ARPP21: variants seen among roughly 807,000 people sequenced by gnomAD.
The protein encoded by ARPP21 is cAMP-regulated phosphoprotein 21.
A neutral mutation model predicts 113.2 loss-of-function variants in ARPP21; 69 were observed. The observed-to-expected ratio is 0.61, with a 90% CI of 0.50 to 0.74. ARPP21 has a LOEUF of 0.74. Among genes scored for constraint, ARPP21 ranks in the 30% least tolerant of loss-of-function variants. The probability of loss-of-function intolerance (pLI) is 0.00; values close to 1 mark genes in which losing one functional copy is unlikely to be tolerated. For synonymous variants in ARPP21, 368 were observed against 375.5 expected (o/e 0.98, Z 0.23); for missense variants, 1,070 against 1,037.4 (o/e 1.03, Z -0.43).
At chr3:35,674,142 A>G (rs1481461069) in intron 1 of ARPP21, among the ~76,000 whole-genome samples, 2 of 151,972 alleles carry the variant, frequency 1.3e-5, no homozygotes, top group Non-Finnish European at 2.9e-5. Flanking sequence ...TTCCAGTACC[A>G]GTTAGATTAA....
At chr3:35,773,962 A>T (rs887129067) in intron 19 of ARPP21, among the ~76,000 whole-genome samples, 1 of 152,170 alleles carries the variant, frequency 6.6e-6, no homozygotes, top group Admixed American at 6.5e-5. Context: ...TTTTAATCAG[A>T]CACATTTGTA....
At chr3:35,768,801 C>T (rs2096080971) in intron 19 of ARPP21, among the ~76,000 whole-genome samples, 2 of 152,170 alleles carry the variant, frequency 1.3e-5, no homozygotes, top group African/African-American at 4.8e-5. Flanking sequence ...TCATTAACTG[C>T]TTGCTATTTA....
chr3:35,769,281 G>A (rs866422177), intron 19 of ARPP21, among the ~76,000 whole-genome samples: 7 of 152,172 alleles, frequency 4.6e-5, no homozygotes, highest in African/African-American at 1.7e-4. Flanking sequence ...CAACCATAGG[G>A]TATCATAATA....
intron 13 of ARPP21, among the ~76,000 whole-genome samples, chr3:35,719,413 G>A (rs1389546848): frequency 3.3e-5 from 5 of 152,182 alleles, no homozygotes; most frequent in African/African-American, 9.7e-5. Flanking sequence ...TAGTGAGGTA[G>A]AGGTAGAGAA....
chr3:35,783,417 G>C (rs956522548), intron 19 of ARPP21, among the ~76,000 whole-genome samples: 2 of 151,588 alleles, frequency 1.3e-5, no homozygotes, highest in East Asian at 3.9e-4. Context: ...ATTTATTCTT[G>C]TGTTTTTTTT....
chr3:35,780,662 T>A (rs2096502797), intron 19 of ARPP21, among the ~76,000 whole-genome samples: 1 of 152,084 alleles, frequency 6.6e-6, no homozygotes, highest in African/African-American at 2.4e-5. Flanking sequence ...TCTCGAAGTG[T>A]GGTACCCAGA....
intron 1 of ARPP21, among the ~76,000 whole-genome samples, chr3:35,671,496 T>C (rs971938412): frequency 6.6e-6 from 1 of 152,128 alleles, no homozygotes; most frequent in Non-Finnish European, 1.5e-5. Flanking sequence ...TCAGTGGTGT[T>C]AATATGTAAT....
chr3:35,690,611 T>C (rs903011819), intron 8 of ARPP21, among the ~76,000 whole-genome samples: 8 of 151,546 alleles, frequency 5.3e-5, no homozygotes, highest in East Asian at 3.9e-4. Context: ...TACAATACTG[T>C]CCAACAGACA....
intron 12 of ARPP21, among the ~76,000 whole-genome samples, chr3:35,716,332 T>A (rs2092389343): frequency 6.6e-6 from 1 of 152,076 alleles, no homozygotes. Context: ...TGTATTCCTA[T>A]ACCATTGATT....
chr3:35,792,938 TG>T (rs1366454087), intron 20 of ARPP21, among the ~76,000 whole-genome samples: 1 of 152,238 alleles, frequency 6.6e-6, no homozygotes. Flanking sequence ...GATTTTAATA[TG>T]GCATCTCAGA....
chr3:35,778,398 G>A (rs993666659), intron 19 of ARPP21, among the ~76,000 whole-genome samples: 1 of 152,130 alleles, frequency 6.6e-6, no homozygotes, highest in Non-Finnish European at 1.5e-5. Context: ...GGGAGAGAGA[G>A]CAGGCAGAGG....
At chr3:35,755,392 C>G (rs2095537198) in intron 19 of ARPP21, among the ~76,000 whole-genome samples, 1 of 152,030 alleles carries the variant, frequency 6.6e-6, no homozygotes, top group Admixed American at 6.6e-5. Context: ...TTCCCTGCAA[C>G]TCTCTTTATA....
At chr3:35,750,086 T>G (rs2095344977) in intron 19 of ARPP21, among the ~76,000 whole-genome samples, 1 of 151,414 alleles carries the variant, frequency 6.6e-6, no homozygotes, top group Non-Finnish European at 1.5e-5. Context: ...TATTATTTTC[T>G]TCCTTCTGTT....
intron 9 of ARPP21, among the ~76,000 whole-genome samples, chr3:35,706,236 G>A (rs1036288270): frequency 6.6e-6 from 1 of 152,168 alleles, no homozygotes; most frequent in East Asian, 1.9e-4. Context: ...TGACAACTGT[G>A]AGAAATTAAC....
chr3:35,729,526 T>A lies in ARPP21; in HGVS notation c.1449T>A (p.Asn483Lys). 1.2e-6 allele frequency: 2 copies of A among 1,613,972 alleles called. No individual in the cohort carries two copies. The highest frequency in any genetic ancestry group is 1.7e-6 in the Non-Finnish European group (2 of 1,179,814). The change falls in exon 15 of 21, where the codon AAT (asparagine) becomes AAA (lysine). Residue 483 changes from asparagine (N) to lysine (K), a missense_variant. Asn to Lys is a moderately conservative substitution (Grantham distance 94). Coordinates refer to ENST00000684406, the MANE Select transcript of ARPP21 (RefSeq NM_001385562.1). ...TGIPPGSILL[N>K]PHTGQPFVNP... is the part of the protein sequence containing the mutation. ...TCCCGCCTGGAAGCATCCTTCTTAATCCACACACAGGTGAGTTACTACCTG... is the reference window on the plus strand; with the variant it reads ...TCCCGCCTGGAAGCATCCTTCTTAAACCACACACAGGTGAGTTACTACCTG...
At chr3:35,727,924 A>T (rs2093653912) in intron 14 of ARPP21, among the ~76,000 whole-genome samples, 1 of 152,040 alleles carries the variant, frequency 6.6e-6, no homozygotes, top group Non-Finnish European at 1.5e-5. Context: ...GACAGAAGAG[A>T]TTGTTAGATT....
intron 1 of ARPP21, among the ~76,000 whole-genome samples, chr3:35,673,542 C>A (rs531476251): frequency 6.6e-5 from 10 of 151,972 alleles, no homozygotes; most frequent in African/African-American, 2.4e-4. Context: ...TTTATGGTAG[C>A]AAATACAAAG....
chr3:35,718,918 A>T (rs868445504), intron 13 of ARPP21, among the ~76,000 whole-genome samples: 1 of 152,050 alleles, frequency 6.6e-6, no homozygotes, highest in Non-Finnish European at 1.5e-5. Flanking sequence ...GCAAAAAAAA[A>T]AAAAAATGCA....
intron 19 of ARPP21, among the ~76,000 whole-genome samples, chr3:35,771,897 GTTTTA>G (rs1244622792): frequency 6.6e-6 from 1 of 152,114 alleles, no homozygotes; most frequent in Non-Finnish European, 1.5e-5. Flanking sequence ...CAGATCAAGA[GTTTTA>G]TTTTGTTTTT....
Sources: allele counts gnomAD v4.1 joint callset (sites outside exome capture counted in the v4.1 genomes callset), GRCh38; gene constraint gnomAD v4.1.1; transcripts MANE v1.5; gene names NCBI Gene and HGNC (gene_info 2026-07-23, HGNC 2026-07-21).